Variants in SAMD3 observed in about 807,000 individuals in gnomAD.
SAMD3 encodes the protein sterile alpha motif domain containing 3.
SAMD3 carries 63 observed loss-of-function variants against 58.5 expected under a neutral mutation model. That is an observed-to-expected ratio of 1.08 (90% CI 0.88 to 1.33). The LOEUF is 1.33. SAMD3 is among the 40% of genes most tolerant of loss of function. The probability of loss-of-function intolerance (pLI) is 0.00; values close to 1 mark genes in which losing one functional copy is unlikely to be tolerated. For missense variants in SAMD3, 604 were observed against 608.4 expected (o/e 0.99, Z 0.08); for synonymous variants, 220 against 210.3 (o/e 1.05, Z -0.40).
chr6:130,232,351 C>G (rs1433720782), intron 2 of SAMD3, among the ~76,000 whole-genome samples: 2 of 152,142 alleles, frequency 1.3e-5, no homozygotes, highest in Non-Finnish European at 2.9e-5. Context: ...CAAGCAGGAT[C>G]GAGTTCAGTT....
At chr6:130,263,996 A>G (rs62431226) in intron 2 of SAMD3, among the ~76,000 whole-genome samples, 18,558 of 152,254 alleles carry the variant, frequency 0.12, 1,533 homozygotes, top group East Asian at 0.36. Flanking sequence ...GAAGTTAAAG[A>G]CTTACAACAA....
chr6:130,263,919 G>A (rs998494671), intron 2 of SAMD3, among the ~76,000 whole-genome samples: 1 of 152,136 alleles, frequency 6.6e-6, no homozygotes, highest in African/African-American at 2.4e-5. Flanking sequence ...AAAGAGCAAG[G>A]ATGGACTGCC....
intron 1 of SAMD3, among the ~76,000 whole-genome samples, chr6:130,337,302 C>T (rs746609423): frequency 4.6e-5 from 7 of 152,156 alleles, no homozygotes; most frequent in South Asian, 4.1e-4. Context: ...CCAATTAAGA[C>T]GTGCCTGCTT....
At chr6:130,206,726 G>A (rs940519336) in intron 5 of SAMD3, among the ~76,000 whole-genome samples, 8 of 152,112 alleles carry the variant, frequency 5.3e-5, no homozygotes, top group South Asian at 2.1e-4. Flanking sequence ...AGATAGGGGC[G>A]TGCCACTTCT....
At chr6:130,254,378 T>C (rs1304827438) in intron 2 of SAMD3, among the ~76,000 whole-genome samples, 1 of 151,940 alleles carries the variant, frequency 6.6e-6, no homozygotes, top group Non-Finnish European at 1.5e-5. Flanking sequence ...GTATGTTTGA[T>C]AGAGACAGGC....
At chr6:130,359,756 G>T (rs779382625) in intron 1 of SAMD3, among the ~76,000 whole-genome samples, 20 of 152,158 alleles carry the variant, frequency 1.3e-4, no homozygotes, top group Non-Finnish European at 2.4e-4. Flanking sequence ...ATTAATAAAA[G>T]AACAATCTAA....
Position 130,154,766 on chromosome 6 carries a change from A to ATG in SAMD3, c.1023+57_1023+58dup, listed in dbSNP as rs545890910. 8.7e-4 allele frequency: 551 copies of ATG among 635,400 alleles called. 4 individuals are homozygous for ATG. The highest frequency in any genetic ancestry group is 4.8e-3 in the Middle Eastern group (15 of 3,110). The allele number at this position is 635,400 out of a possible 1,614,324, so 39.4% of individuals were successfully genotyped here. A position where few individuals can be genotyped will look rare whatever the true frequency, so the allele number is the denominator to read the frequency against. On this transcript the variant is annotated intron_variant, in intron 9 of 11. Transcript: ENST00000439090. Reference sequence around the variant, plus strand: ...ATGTATGTATATATAATATTAAAATATGTGTGTGTGTGTATATACATATAT... The same window carrying ATG: ...ATGTATGTATATATAATATTAAAATATGTGTGTGTGTGTGTATATACATATAT...
rs574450243 is a variant in SAMD3, at chr6:130,266,027, C to A, written c.-187-43214G>T. 1.2e-4 allele frequency among the ~76,000 whole-genome samples: 19 copies of A among 152,238 alleles called. No homozygotes were observed. The East Asian group carries it at 3.5e-3, about 28-fold the overall frequency. ...CAAGGGAAAAGTGGCCCTTCCTGTA[C>A]CAGTGGTCAGTGTAACCCCTTAGAA... On this transcript the variant is annotated intron_variant, in intron 2 of 13. Transcript: ENST00000368134.
At chr6:130,194,592 C>T (rs927820572) in intron 5 of SAMD3, among the ~76,000 whole-genome samples, 4 of 152,210 alleles carry the variant, frequency 2.6e-5, no homozygotes, top group Non-Finnish European at 5.9e-5. Context: ...TTCTCCAGAA[C>T]CTCCTCTCCC....
At chr6:130,156,514 GGTA>G (rs1374084512) in intron 8 of SAMD3, among the ~76,000 whole-genome samples, 3 of 152,004 alleles carry the variant, frequency 2.0e-5, no homozygotes, top group Admixed American at 2.0e-4. Flanking sequence ...GAAACTCAAG[GGTA>G]GTTTGACATT....
chr6:130,334,621 G>C (rs973721607), intron 1 of SAMD3, among the ~76,000 whole-genome samples: 1 of 151,990 alleles, frequency 6.6e-6, no homozygotes, highest in Non-Finnish European at 1.5e-5. Flanking sequence ...ATATAAAACG[G>C]GGATCATTAC....
chr6:130,188,928 C>G (rs766150795), intron 5 of SAMD3, among the ~76,000 whole-genome samples: 6 of 152,000 alleles, frequency 3.9e-5, no homozygotes, highest in Non-Finnish European at 8.8e-5. Context: ...TTGCTTTCTT[C>G]CTCAGAGAAC....
chr6:130,263,651 T>C (rs1465026793), intron 2 of SAMD3, among the ~76,000 whole-genome samples: 3 of 152,218 alleles, frequency 2.0e-5, no homozygotes, highest in South Asian at 2.1e-4. Context: ...GACCATCTAG[T>C]TATTAACATA....
intron 2 of SAMD3, among the ~76,000 whole-genome samples, chr6:130,304,323 C>T (rs574002438): frequency 5.9e-5 from 9 of 152,258 alleles, no homozygotes; most frequent in African/African-American, 2.2e-4. Context: ...ACACATGCCA[C>T]CATACCCAGC....
chr6:130,221,504 T>C (rs1288636747), intron 1 of SAMD3: 1 of 152,182 alleles, frequency 6.6e-6, no homozygotes, highest in African/African-American at 2.4e-5. Flanking sequence ...TCTTAACTGA[T>C]AACATAGACA....
At chr6:130,257,844 C>T (rs1397304841) in intron 2 of SAMD3, among the ~76,000 whole-genome samples, 1 of 152,042 alleles carries the variant, frequency 6.6e-6, no homozygotes, top group Non-Finnish European at 1.5e-5. Flanking sequence ...CCCCTTCCTG[C>T]TGGTACTCTG....
chr6:130,351,141 G>A (rs1174485470), intron 1 of SAMD3, among the ~76,000 whole-genome samples: 4 of 151,962 alleles, frequency 2.6e-5, no homozygotes, highest in Admixed American at 2.6e-4. Flanking sequence ...AAACCTAGGC[G>A]ATACCACTCA....
intron 2 of SAMD3, among the ~76,000 whole-genome samples, chr6:130,281,000 C>T (rs1434462434): frequency 1.3e-5 from 2 of 152,170 alleles, no homozygotes; most frequent in African/African-American, 2.4e-5. Flanking sequence ...CTTTCCTACA[C>T]ATATGTGCCT....
At chr6:130,274,156 C>T (rs901998507) in intron 2 of SAMD3, among the ~76,000 whole-genome samples, 6 of 152,078 alleles carry the variant, frequency 3.9e-5, no homozygotes, top group South Asian at 2.1e-4. Flanking sequence ...TGCTGGGTAT[C>T]GTATTCTTGG....
Sources: gnomAD v4.1 joint callset for allele counts (sites outside exome capture counted in the v4.1 genomes callset) on GRCh38, gnomAD v4.1.1 for gene constraint, MANE v1.5 for transcripts, NCBI Gene and HGNC (gene_info 2026-07-23, HGNC 2026-07-21) for gene names.